Variants in GUCY2C observed in about 807,000 individuals in gnomAD.
The protein encoded by GUCY2C is guanylyl cyclase C.
In GUCY2C, 118 loss-of-function variants were observed where a neutral mutation model predicts 131.1. That is an observed-to-expected ratio of 0.90 (90% CI 0.78 to 1.05). The LOEUF (loss-of-function observed/expected upper bound fraction) is 1.05. Ranked by LOEUF, GUCY2C falls within the 50% of genes least tolerant of loss-of-function variation. GUCY2C has a pLI of 0.00. For missense variants in GUCY2C, 1,161 were observed against 1,304.4 expected (o/e 0.89, Z 1.69); for synonymous variants, 452 against 457.8 (o/e 0.99, Z 0.16).
chr12:14,649,982 G>A (rs1177404990), intron 15 of GUCY2C, among the ~76,000 whole-genome samples: 1 of 152,092 alleles, frequency 6.6e-6, no homozygotes, highest in Non-Finnish European at 1.5e-5. Context: ...TAATAGTCAT[G>A]AAGTATTCTT....
Position 14,651,456 on chromosome 12 carries a change from T to G in GUCY2C, c.1661A>C (p.Asp554Ala), listed in dbSNP as rs1228960944. ...TTCTATCACCCCGAAGATCATGGTA[T>G]CAAGTTTCACTGTGCCGTAGAACTT... ...LTKFYGTVKL[D>A]TMIFGVIEYC... is the part of the protein sequence containing the mutation. The change falls in exon 15 of 27, where the codon GAT becomes GCT. Residue 554 changes from aspartate (D) to alanine (A), a missense_variant. Physicochemically the swap from Asp to Ala is moderately radical, Grantham distance 126 (BLOSUM62 -2). Transcript: ENST00000261170. 1.2e-6 allele frequency: 2 copies of G among 1,607,944 alleles called. No homozygotes were observed. The highest frequency in any genetic ancestry group is 1.7e-6 in the Non-Finnish European group (2 of 1,174,486).
intron 10 of GUCY2C, 29 bp downstream of exon 10, chr12:14,669,693 G>T: frequency 9.3e-7 from 1 of 1,081,076 alleles, no homozygotes; most frequent in Non-Finnish European, 1.4e-6. Flanking sequence ...ACAGTGTCAG[G>T]GAGAGAAAAT....
chr12:14,621,355 G>A (rs2136981343), intron 22 of GUCY2C, 139 bp from the exon 23 acceptor site: 1 of 704,454 alleles, frequency 1.4e-6, no homozygotes, highest in Middle Eastern at 4.1e-4. Context: ...TTTTTCTGGG[G>A]CCAGTTGGAT....
intron 9 of GUCY2C, among the ~76,000 whole-genome samples, chr12:14,670,783 C>T (rs866151535): frequency 5.3e-5 from 8 of 151,904 alleles, no homozygotes; most frequent in African/African-American, 1.7e-4. Context: ...CCTCCCCAGC[C>T]TCGCTGGGGA....
At chr12:14,695,499 G>A (rs1220828329) in intron 1 of GUCY2C, among the ~76,000 whole-genome samples, 1 of 151,382 alleles carries the variant, frequency 6.6e-6, no homozygotes, top group Non-Finnish European at 1.5e-5. Context: ...TACTCGGGGG[G>A]CTGAGGCAGG....
intron 16 of GUCY2C, among the ~76,000 whole-genome samples, chr12:14,644,455 T>C (rs1947472714): frequency 6.6e-6 from 1 of 152,238 alleles, no homozygotes; most frequent in Non-Finnish European, 1.5e-5. Context: ...TGAAGCTGAT[T>C]TTCAGCCTGG....
chr12:14,634,727 T>C (rs763162497), intron 19 of GUCY2C, among the ~76,000 whole-genome samples: 5 of 152,168 alleles, frequency 3.3e-5, no homozygotes, highest in African/African-American at 1.2e-4. Context: ...ACTCATCTTA[T>C]CTGTAAAGAA....
At chr12:14,678,902 A>G (rs1409662638) in intron 6 of GUCY2C, among the ~76,000 whole-genome samples, 1 of 152,106 alleles carries the variant, frequency 6.6e-6, no homozygotes, top group African/African-American at 2.4e-5. Flanking sequence ...TAAAAAAAAG[A>G]TGGGATGTGA....
In GUCY2C at chr12:14,672,922, TC is replaced by T. The variant is rs746745578; in HGVS notation, c.1120del (p.Asp374MetfsTer22). 5 of 1,608,292 alleles carry T rather than the reference TC, an allele frequency of 3.1e-6. No individual in the cohort carries two copies. Among genetic ancestry groups the T allele is most frequent in the Non-Finnish European group, 3.4e-6 (4 of 1,174,822 alleles). ...CAGAAGCACCATGGTACTGTCAACA[TC>T]CCCCCAGTCATCCAAGGTCACTGGA... ...DGPVTLDDWG[D>X]VDSTMVLLYT... On this transcript the variant is annotated frameshift_variant, in exon 9 of 27. Coordinates refer to ENST00000261170, the MANE Select transcript of GUCY2C (RefSeq NM_004963.4). LOFTEE classifies it high-confidence loss of function.
chr12:14,618,532 A>C (rs2136975281), intron 24 of GUCY2C, among the ~76,000 whole-genome samples: 1 of 152,204 alleles, frequency 6.6e-6, no homozygotes, highest in African/African-American at 2.4e-5. Context: ...AACAAAAATC[A>C]ATTTCCAGAA....
chr12:14,660,293 G>A (rs1284173835), intron 11 of GUCY2C, among the ~76,000 whole-genome samples: 3 of 152,164 alleles, frequency 2.0e-5, no homozygotes, highest in Non-Finnish European at 4.4e-5. Flanking sequence ...ATGTAGTGTG[G>A]TATTTACTCA....
At chr12:14,685,539 C>T (rs1411414112) in intron 3 of GUCY2C, among the ~76,000 whole-genome samples, 1 of 152,016 alleles carries the variant, frequency 6.6e-6, no homozygotes, top group Non-Finnish European at 1.5e-5. Flanking sequence ...GTGTAATTAG[C>T]AGAACAAAGT....
At chr12:14,651,565 T>G in intron 14 of GUCY2C, 54 bp from the exon 15 acceptor site, 1 of 846,322 alleles carries the variant, frequency 1.2e-6, no homozygotes, top group South Asian at 1.4e-5. Context: ...GGTGCCAAAG[T>G]AAAAATTAAT....
At chr12:14,623,400 G>T (rs1251071598) in intron 21 of GUCY2C, among the ~76,000 whole-genome samples, 1 of 152,142 alleles carries the variant, frequency 6.6e-6, no homozygotes, top group Non-Finnish European at 1.5e-5. Flanking sequence ...CTTTTTAATT[G>T]GTGCAATGAC....
Position 14,679,649 on chromosome 12 carries a change from A to G in GUCY2C, c.830+8T>C, listed in dbSNP as rs1240383126. 6 of 1,374,924 alleles carry G rather than the reference A, an allele frequency of 4.4e-6. No homozygotes were observed. In the African/African-American group the frequency reaches 5.7e-5, roughly 13 times the overall value. 85.2% of individuals were successfully genotyped at this position (1,374,924 alleles called of 1,614,324 possible). ...AAGGAGGAGGGTTTTTCCAAATGTT[A>G]TACCTACTTGAAAAGATCCACTAGA... On this transcript the variant is annotated splice_region_variant and intron_variant, in intron 6 of 26. Transcript: ENST00000261170.
intron 19 of GUCY2C, among the ~76,000 whole-genome samples, chr12:14,636,716 T>G (rs964651907): frequency 3.3e-5 from 5 of 152,180 alleles, no homozygotes; most frequent in Non-Finnish European, 7.4e-5. Flanking sequence ...GCAGATGATA[T>G]GATCTTACGT....
chr12:14,696,266 C>T lies in GUCY2C; in HGVS notation c.183G>A (p.Gly61=), dbSNP rs774857024. 1.9e-6 allele frequency: 3 copies of T among 1,614,104 alleles called. No individual in the cohort carries two copies. Among genetic ancestry groups the T allele is most frequent in the Middle Eastern group, 3.3e-4 (2 of 6,062 alleles). ...LKNLEDAVNE[G]LEIVRGRLQN... is the part of the protein sequence containing the mutation. The stretch of plus-strand genomic sequence containing the variant: ...GCAGACGTCCTCTCACTATTTCCAG[C>T]CCCTCATTCACCGCATCTTCCAAGT... Residue 61 remains glycine, a synonymous_variant, in exon 1 of 27, where the codon GGG becomes GGA. Coordinates refer to ENST00000261170, the MANE Select transcript of GUCY2C (RefSeq NM_004963.4).
rs201829305 is a variant in GUCY2C at position 14,676,940 on chromosome 12, G to C, written c.862C>G (p.Pro288Ala). ...DQYFEDNVTA[P>A]DYMKNVLVLT... is the part of the protein sequence containing the mutation. ...ACAAGGACATTTTTCATATAGTCAG[G>C]GGCTGTGACATTGTCCTCAAAGTAC... Residue 288 changes from proline (P) to alanine (A), a missense_variant, in exon 7 of 27, where the codon CCT becomes GCT. Pro to Ala is a conservative substitution (Grantham distance 27, BLOSUM62 -1). Transcript: ENST00000261170. The C allele has an allele frequency of 2.8e-5, 44 of 1,556,442 alleles. No individual in the cohort carries two copies. Among genetic ancestry groups the C allele is most frequent in the Non-Finnish European group, 3.0e-5 (34 of 1,138,386 alleles).
chr12:14,695,899 C>T (rs988941232), intron 1 of GUCY2C, among the ~76,000 whole-genome samples: 23 of 152,098 alleles, frequency 1.5e-4, no homozygotes, highest in Non-Finnish European at 3.2e-4. Context: ...CTCAGTGTCC[C>T]TCCTTCCTTG....
Sources: gnomAD v4.1 joint callset for allele counts (sites outside exome capture counted in the v4.1 genomes callset) on GRCh38, gnomAD v4.1.1 for gene constraint, MANE v1.5 for transcripts, NCBI Gene and HGNC (gene_info 2026-07-23, HGNC 2026-07-21) for gene names.